The following SLC38A8 variants were observed in gnomAD, a reference collection of about 807,000 sequenced individuals.
The protein encoded by SLC38A8 is solute carrier family 38 member 8.
SLC38A8 carries 65 observed loss-of-function variants against 46.0 expected under a neutral mutation model. That is an observed-to-expected ratio of 1.41 (90% CI 1.16 to 1.74). The LOEUF is 1.74. Among genes scored for constraint, SLC38A8 ranks in the 40% most tolerant of loss-of-function variants. The pLI is 0.00. For missense variants in SLC38A8, 998 were observed against 567.9 expected (o/e 1.76, Z -7.70); for synonymous variants, 447 against 243.7 (o/e 1.83, Z -7.77).
At chr16:84,019,769 C>G (rs1320485358) in intron 7 of SLC38A8, among the ~76,000 whole-genome samples, 1 of 152,166 alleles carries the variant, frequency 6.6e-6, no homozygotes, top group Non-Finnish European at 1.5e-5. Context: ...GCAGTGCAGG[C>G]AAAAGAAACA....
At chr16:84,019,457 G>A (rs917200586) in intron 7 of SLC38A8, among the ~76,000 whole-genome samples, 2 of 152,148 alleles carry the variant, frequency 1.3e-5, no homozygotes, top group African/African-American at 2.4e-5. Context: ...CACCACAAAT[G>A]GATTAATCTG....
At chr16:84,009,994 G>A in intron 10 of SLC38A8, 117 bp from the exon 11 acceptor site, 14 of 648,736 alleles carry the variant, frequency 2.2e-5, no homozygotes, top group South Asian at 9.8e-5. Flanking sequence ...TTGGAAAAAA[G>A]AAAAATTCAG....
chr16:84,030,179 G>A (rs965006215), intron 5 of SLC38A8, among the ~76,000 whole-genome samples: 1 of 152,120 alleles, frequency 6.6e-6, no homozygotes, highest in African/African-American at 2.4e-5. Flanking sequence ...CCAGTGATCC[G>A]TCTATCAGCC....
intron 5 of SLC38A8, 68 bp from the exon 6 acceptor site, chr16:84,029,619 G>A (rs928127333): frequency 2.7e-6 from 4 of 1,486,622 alleles, no homozygotes; most frequent in Non-Finnish European, 3.7e-6. Flanking sequence ...CGGCTGCAAT[G>A]GTGAATTTTA....
Position 84,010,845 on chromosome 16 carries a change from AAGG to A in SLC38A8, c.1215-971_1215-969del, listed in dbSNP as rs560711838. Among the ~76,000 whole-genome samples the A allele has an allele frequency of 7.9e-4, 121 of 152,296 alleles. 2 individuals carry two copies. The highest frequency in any genetic ancestry group is 2.5e-3 in the African/African-American group (105 of 41,566). ...CCTCTGATGAAATCCCATGAAAATG[AAGG>A]AGAAGACGCAAGCTCTAAGTCACAC... On this transcript the variant is annotated intron_variant, in intron 10 of 10. Coordinates refer to ENST00000299709, the MANE Select transcript of SLC38A8 (RefSeq NM_001080442.3).
intron 6 of SLC38A8, among the ~76,000 whole-genome samples, chr16:84,025,899 C>A (rs1837067385): frequency 1.3e-5 from 2 of 152,212 alleles, no homozygotes; most frequent in African/African-American, 4.8e-5. Context: ...GAGGGCTCTG[C>A]CAGCAGGGGG....
At chr16:84,015,944 G>A (rs140207548) in intron 9 of SLC38A8, among the ~76,000 whole-genome samples, 1,751 of 152,334 alleles carry the variant, frequency 0.011, 44 homozygotes, top group African/African-American at 0.04. Context: ...CTCCCAAAGT[G>A]CTGGGATTAC....
At chr16:84,014,575 G>T (rs1465540595) in intron 9 of SLC38A8, among the ~76,000 whole-genome samples, 1 of 151,978 alleles carries the variant, frequency 6.6e-6, no homozygotes, top group African/African-American at 2.4e-5. Context: ...CCCAGAACCT[G>T]AGGGAGGAGC....
intron 3 of SLC38A8, among the ~76,000 whole-genome samples, 196 bp downstream of exon 3, chr16:84,036,506 C>T (rs1191520625): frequency 6.6e-6 from 1 of 152,256 alleles, no homozygotes; most frequent in East Asian, 1.9e-4. Context: ...CTTGTGTGCC[C>T]ATGACTGTCA....
intron 6 of SLC38A8, among the ~76,000 whole-genome samples, chr16:84,026,824 G>A (rs551310063): frequency 6.6e-6 from 1 of 152,310 alleles, no homozygotes; most frequent in Admixed American, 6.5e-5. Flanking sequence ...TTCCTAGGAG[G>A]TGGCCATCGT....
chr16:84,016,168 G>T (rs762869705), intron 9 of SLC38A8, among the ~76,000 whole-genome samples: 11 of 152,252 alleles, frequency 7.2e-5, no homozygotes, highest in Non-Finnish European at 1.2e-4. Flanking sequence ...CAGATCTCAT[G>T]AGACTTATTC....
chr16:84,016,027 C>A (rs2085020829), intron 9 of SLC38A8, among the ~76,000 whole-genome samples: 1 of 152,132 alleles, frequency 6.6e-6, no homozygotes, highest in Admixed American at 6.5e-5. Flanking sequence ...ACTCACAGTT[C>A]CACATGGCTG....
At position 84,016,785 on chromosome 16, in the gene SLC38A8, G is replaced by C. The variant is rs536174657; in HGVS notation, c.954-58C>G. ...ATCTCAGGGGCACCAGCCTCCACCCGACAGCTGCTCCCCAGTCCTCCAGGA... is the reference window on the plus strand; with the variant it reads ...ATCTCAGGGGCACCAGCCTCCACCCCACAGCTGCTCCCCAGTCCTCCAGGA... On this transcript the variant is annotated intron_variant, in intron 8 of 10. Coordinates refer to ENST00000299709, the MANE Select transcript of SLC38A8 (RefSeq NM_001080442.3). 165 of 1,548,400 alleles carry C rather than the reference G, an allele frequency of 1.1e-4. 1 individual carries two copies. The South Asian group carries it at 1.6e-3, about 15-fold the overall frequency.
chr16:84,010,378 G>A (rs1768825582), intron 10 of SLC38A8, among the ~76,000 whole-genome samples: 1 of 151,986 alleles, frequency 6.6e-6, no homozygotes, highest in Non-Finnish European at 1.5e-5. Flanking sequence ...GCCGCAAGCA[G>A]TTTTTAAAAG....
chr16:84,043,301 C>A (rs1215954558), upstream of SLC38A8, among the ~76,000 whole-genome samples: 1 of 152,214 alleles, frequency 6.6e-6, no homozygotes, highest in Non-Finnish European at 1.5e-5. Flanking sequence ...GAGACGGCCC[C>A]ATTCCGGAAA....
intron 7 of SLC38A8, among the ~76,000 whole-genome samples, chr16:84,019,043 G>A (rs1597255219): frequency 6.6e-6 from 1 of 151,906 alleles, no homozygotes; most frequent in African/African-American, 2.4e-5. Flanking sequence ...AAAGAGTCAA[G>A]TCAGCTAGCT....
intron 9 of SLC38A8, among the ~76,000 whole-genome samples, chr16:84,015,017 G>T (rs544529363): frequency 2.5e-4 from 38 of 152,188 alleles, no homozygotes; most frequent in Admixed American, 1.6e-3. Flanking sequence ...TTCACCAATG[G>T]GCATCTACTT....
At position 84,017,174 on chromosome 16, in the gene SLC38A8, C is replaced by A. The variant is rs200651717; in HGVS notation, c.919G>T (p.Val307Leu). The A allele has an allele frequency of 2.5e-6, 4 of 1,614,080 alleles. No individual in the cohort carries two copies. The highest frequency in any genetic ancestry group is 1.7e-5 in the Admixed American group (1 of 60,010). Reference protein sequence around the residue: ...VARVLFAVSIVTVYPIVLFLG... With the variant: ...VARVLFAVSILTVYPIVLFLG... ...AAGAGCACGATGGGGTAGACAGTTACGATGGAGACAGCAAAAAGGACCCGG... is the reference window on the plus strand; with the variant it reads ...AAGAGCACGATGGGGTAGACAGTTAAGATGGAGACAGCAAAAAGGACCCGG... The change falls in exon 8 of 11, where the codon GTA becomes TTA. Residue 307 changes from valine (V) to leucine (L), a missense_variant. Physicochemically the swap from Val to Leu is conservative, Grantham distance 32 (BLOSUM62 1). Coordinates refer to ENST00000299709, the MANE Select transcript of SLC38A8 (RefSeq NM_001080442.3).
chr16:84,021,727 C>G (rs959658680), intron 7 of SLC38A8, among the ~76,000 whole-genome samples: 4 of 152,220 alleles, frequency 2.6e-5, no homozygotes, highest in African/African-American at 9.6e-5. Flanking sequence ...AATTTTCTGT[C>G]TTAGTCCATT....
Sources: gnomAD v4.1 joint callset for allele counts (sites outside exome capture counted in the v4.1 genomes callset) on GRCh38, gnomAD v4.1.1 for gene constraint, MANE v1.5 for transcripts, NCBI Gene and HGNC (gene_info 2026-07-23, HGNC 2026-07-21) for gene names.